The following RFX3 variants were observed in gnomAD, a reference collection of about 807,000 sequenced individuals.
The protein encoded by RFX3 is transcription factor RFX3.
Under a neutral mutation model 98.6 loss-of-function variants are expected in RFX3, and 14 were observed. That is an observed-to-expected ratio of 0.14 (90% confidence interval 0.09 to 0.22). The LOEUF (loss-of-function observed/expected upper bound fraction) is 0.22. Among genes scored for constraint, RFX3 ranks in the 10% least tolerant of loss-of-function variants. RFX3 has a pLI of 1.00. For missense variants in RFX3, 639 were observed against 926.9 expected (o/e 0.69, Z 4.03); for synonymous variants, 383 against 328.4 (o/e 1.17, Z -1.80).
intron 3 of RFX3, among the ~76,000 whole-genome samples, chr9:3,338,033 A>T (rs1833394928): frequency 6.6e-6 from 1 of 152,218 alleles, no homozygotes; most frequent in Non-Finnish European, 1.5e-5. Flanking sequence ...ATATCCGAAT[A>T]TTCATCAGAC....
intron 6 of RFX3, among the ~76,000 whole-genome samples, chr9:3,291,343 GC>G (rs1289631455): frequency 2.0e-5 from 3 of 152,132 alleles, no homozygotes; most frequent in African/African-American, 7.2e-5. Context: ...CTGCACTCCA[GC>G]CTGGGCAACA....
At chr9:3,236,888 A>G (rs1312883895) in intron 15 of RFX3, among the ~76,000 whole-genome samples, 3 of 152,236 alleles carry the variant, frequency 2.0e-5, no homozygotes, top group South Asian at 2.1e-4. Flanking sequence ...ATATGTATAC[A>G]TTTTGCCAGT....
chr9:3,475,127 A>AAAGG (rs1049436487), intron 1 of RFX3, among the ~76,000 whole-genome samples: 12 of 151,692 alleles, frequency 7.9e-5, no homozygotes, highest in African/African-American at 2.9e-4. Flanking sequence ...AGAAAAAGAA[A>AAAGG]AAGGAAGGAA....
chr9:3,427,422 TACA>T (rs1844196057), intron 1 of RFX3, among the ~76,000 whole-genome samples: 3 of 138,180 alleles, frequency 2.2e-5, no homozygotes, highest in African/African-American at 8.6e-5. Context: ...TATATAATAA[TACA>T]ATATATAAAT....
intron 3 of RFX3, among the ~76,000 whole-genome samples, chr9:3,331,520 T>C (rs1832598589): frequency 6.6e-6 from 1 of 152,200 alleles, no homozygotes; most frequent in African/African-American, 2.4e-5. Flanking sequence ...CGCCACCTCC[T>C]AAAGCTAGCC....
intron 7 of RFX3, among the ~76,000 whole-genome samples, chr9:3,284,602 C>A (rs1826332808): frequency 6.6e-6 from 1 of 151,564 alleles, no homozygotes; most frequent in Non-Finnish European, 1.5e-5. Context: ...AGATTTTAGT[C>A]ATTAGAGTGA....
intron 7 of RFX3, among the ~76,000 whole-genome samples, chr9:3,281,790 T>C (rs1825945921): frequency 6.6e-6 from 1 of 151,826 alleles, no homozygotes; most frequent in Admixed American, 6.6e-5. Context: ...ACTTGGACAG[T>C]TGTAACTCTA....
chr9:3,385,379 T>C (rs1373921106), intron 2 of RFX3, among the ~76,000 whole-genome samples: 1 of 152,076 alleles, frequency 6.6e-6, no homozygotes, highest in Non-Finnish European at 1.5e-5. Context: ...CTAAAGTAAG[T>C]CTATACATAG....
intron 2 of RFX3, among the ~76,000 whole-genome samples, chr9:3,376,894 A>G (rs1393626971): frequency 6.6e-6 from 1 of 152,238 alleles, no homozygotes; most frequent in Admixed American, 6.5e-5. Flanking sequence ...CCACTATGAG[A>G]TACCATCTCA....
chr9:3,451,022 A>G (rs898203043), intron 1 of RFX3, among the ~76,000 whole-genome samples: 2 of 152,180 alleles, frequency 1.3e-5, no homozygotes, highest in African/African-American at 4.8e-5. Flanking sequence ...TGATTCTAGG[A>G]GTGAAGCAGG....
At chr9:3,392,250 A>G (rs1388600537) in intron 2 of RFX3, among the ~76,000 whole-genome samples, 1 of 152,170 alleles carries the variant, frequency 6.6e-6, no homozygotes, top group African/African-American at 2.4e-5. Flanking sequence ...TTAACATGAA[A>G]GACAGAGACA....
At chr9:3,416,381 G>A (rs3012679) in intron 1 of RFX3, among the ~76,000 whole-genome samples, 2,286 of 152,128 alleles carry the variant, frequency 0.015, 58 homozygotes, top group African/African-American at 0.051. Flanking sequence ...CCTAAAGACG[G>A]GTATTCATTA....
chr9:3,454,560 G>C (rs1440319630), intron 1 of RFX3, among the ~76,000 whole-genome samples: 1 of 152,126 alleles, frequency 6.6e-6, no homozygotes, highest in African/African-American at 2.4e-5. Flanking sequence ...TAAATGTTTA[G>C]GCTGTCCTTG....
intron 4 of RFX3, among the ~76,000 whole-genome samples, chr9:3,307,415 T>C (rs1045256633): frequency 1.3e-5 from 2 of 152,090 alleles, no homozygotes; most frequent in Admixed American, 1.3e-4. Flanking sequence ...TGGGATATAA[T>C]GTAGGATAGG....
At chr9:3,336,774 T>C (rs1748723208) in intron 3 of RFX3, among the ~76,000 whole-genome samples, 1 of 152,170 alleles carries the variant, frequency 6.6e-6, no homozygotes, top group South Asian at 2.1e-4. Flanking sequence ...GCCATGAAAT[T>C]AGTTTTAATA....
intron 1 of RFX3, chr9:3,453,417 C>G (rs1269214503): frequency 1.3e-5 from 2 of 151,932 alleles, no homozygotes; most frequent in Admixed American, 6.6e-5. Flanking sequence ...TTGAATAATT[C>G]TGTCTCGGCA....
intron 1 of RFX3, among the ~76,000 whole-genome samples, chr9:3,450,670 C>T (rs1054710568): frequency 2.6e-5 from 4 of 152,036 alleles, no homozygotes; most frequent in Admixed American, 2.6e-4. Context: ...CTTCAAATTA[C>T]CATGTTTTGA....
At chr9:3,361,846 C>A (rs1422981333) in intron 2 of RFX3, among the ~76,000 whole-genome samples, 1 of 151,922 alleles carries the variant, frequency 6.6e-6, no homozygotes, top group African/African-American at 2.4e-5. Flanking sequence ...ACTCAGGAGA[C>A]CAAGGCAGGA....
At chr9:3,399,847 G>T (rs547278642) in intron 1 of RFX3, among the ~76,000 whole-genome samples, 2 of 151,756 alleles carry the variant, frequency 1.3e-5, no homozygotes, top group African/African-American at 4.8e-5. Flanking sequence ...TACTCAGGAG[G>T]CTGCAGCAGG....
Sources: allele counts gnomAD v4.1 joint callset (sites outside exome capture counted in the v4.1 genomes callset), GRCh38; gene constraint gnomAD v4.1.1; transcripts MANE v1.5; gene names NCBI Gene and HGNC (gene_info 2026-07-23, HGNC 2026-07-21).